MBNL3: variants seen among roughly 807,000 people sequenced by gnomAD.
The protein encoded by MBNL3 is muscleblind like splicing regulator 3, also known as muscleblind-like protein 3.
MBNL3 carries 6 observed loss-of-function variants against 24.5 expected under a neutral mutation model. The observed-to-expected ratio is 0.25, with a 90% CI of 0.13 to 0.48. The LOEUF (loss-of-function observed/expected upper bound fraction) is 0.48. MBNL3 is among the 20% of genes least tolerant of loss of function. The pLI, the probability that MBNL3 is intolerant of heterozygous loss-of-function variation, is 0.99. For synonymous variants in MBNL3, 100 were observed against 101.7 expected, an observed-to-expected ratio of 0.98 and a Z score of 0.10; for missense variants, 230 against 293.5, an observed-to-expected ratio of 0.78 and a Z score of 1.58.
rs1933880237 is a variant in MBNL3 at position 132,373,986 on chromosome X, A to G, written c.*5680T>C. The stretch of plus-strand genomic sequence containing the variant: ...AGGAGCATTTTTTTTCCCTTTGTTG[A>G]AGGGAATGAACGGCCCTATGCTGGC... On this transcript the variant is annotated 3_prime_UTR_variant, in exon 9 of 9. Transcript: ENST00000370853. 2 of 111,508 alleles carry G rather than the reference A, an allele frequency of 1.8e-5. 1 individual carries two copies. The highest frequency in any genetic ancestry group is 7.5e-4 in the South Asian group (2 of 2,656). The allele number at this position is 111,508 out of a possible 1,213,427, so 9.2% of individuals were successfully genotyped here.
chrX:132,440,031 G>A lies in MBNL3; in HGVS notation c.-420C>T, dbSNP rs1945316833. Among the ~76,000 whole-genome samples the A allele has an allele frequency of 9.0e-6, 1 of 111,365 alleles. No individual in the cohort carries two copies. On this transcript the variant is annotated 5_prime_UTR_variant, in exon 2 of 9. Transcript: ENST00000370853. ...ATGGTCTCAGATCAGGGGGAGAAAA[G>A]TTTTTCTCCCTATTTATTAGCTTTA...
At chrX:132,470,857 G>A (rs940705276) in intron 1 of MBNL3, among the ~76,000 whole-genome samples, 3 of 111,697 alleles carry the variant, frequency 2.7e-5, no homozygotes, top group Admixed American at 9.5e-5. Context: ...CACTGTGGAA[G>A]TGACAAGCAG....
chrX:132,384,803 C>A, intron 6 of MBNL3, 105 bp from the exon 7 acceptor site: 1 of 669,074 alleles, frequency 1.5e-6, no homozygotes, highest in Non-Finnish European at 2.1e-6. Context: ...TTTGCAATAT[C>A]AATTACTCAG....
At chrX:132,464,877 T>C (rs759859156) in intron 1 of MBNL3, among the ~76,000 whole-genome samples, 1 of 110,713 alleles carries the variant, frequency 9.0e-6, no homozygotes, top group South Asian at 3.8e-4. Context: ...TCATCTCTAC[T>C]AAAAATACAA....
chrX:132,413,834 C>G (rs1470899707), intron 2 of MBNL3, among the ~76,000 whole-genome samples: 5 of 111,701 alleles, frequency 4.5e-5, no homozygotes, highest in Admixed American at 1.9e-4. Flanking sequence ...ATTTACAGAA[C>G]AGATTTTTGA....
rs1442090595 is a variant in MBNL3, at chrX:132,406,346, T to C, written c.224A>G (p.His75Arg). Residue 75 changes from histidine to arginine, a missense_variant, in exon 3 of 9, where the codon CAC becomes CGC. By Grantham distance (29) the His-to-Arg change is conservative. Coordinates refer to ENST00000370853, the MANE Select transcript of MBNL3 (RefSeq NM_001386889.1). The stretch of plus-strand genomic sequence containing the variant: ...ATTAATCTCCAGCTGCGTTTTTAAG[T>C]GTGGAGGAGGGTGAAGGTACTTGCA... ...ENCKYLHPPP[H>R]LKTQLEINGR... 5.0e-6 allele frequency: 6 copies of C among 1,209,896 alleles called. No homozygotes were observed. The Admixed American group carries it at 1.1e-4, about 22-fold the overall frequency.
At chrX:132,447,235 G>A (rs753059567) in intron 1 of MBNL3, among the ~76,000 whole-genome samples, 71 of 111,732 alleles carry the variant, frequency 6.4e-4, no homozygotes, top group Non-Finnish European at 1.1e-3. Context: ...TTGGCTATGC[G>A]GGTTCTTTTT....
chrX:132,411,783 T>C (rs1397025841), intron 2 of MBNL3, among the ~76,000 whole-genome samples: 1 of 111,763 alleles, frequency 8.9e-6, no homozygotes, highest in Non-Finnish European at 1.9e-5. Context: ...TATTAGACTT[T>C]GAGCCTGTAT....
chrX:132,464,761 C>A (rs546139947), intron 1 of MBNL3, among the ~76,000 whole-genome samples: 48 of 111,844 alleles, frequency 4.3e-4, no homozygotes, highest in Middle Eastern at 4.6e-3. Context: ...AACCATCTGG[C>A]CGGTGCGGTG....
intron 1 of MBNL3, among the ~76,000 whole-genome samples, chrX:132,483,959 GC>G (rs1213680035): frequency 1.8e-5 from 2 of 112,219 alleles, no homozygotes; most frequent in East Asian, 5.5e-4. Context: ...ATGACAGGAG[GC>G]ATCAGAGTCA....
chrX:132,408,154 C>T (rs1235066165), intron 2 of MBNL3, among the ~76,000 whole-genome samples: 1 of 56,391 alleles, frequency 1.8e-5, no homozygotes, highest in Non-Finnish European at 3.1e-5. Context: ...TTACCAATTG[C>T]AGCTGCATTT....
intron 1 of MBNL3, among the ~76,000 whole-genome samples, chrX:132,448,684 T>C (rs756280619): frequency 7.2e-5 from 8 of 111,561 alleles, no homozygotes; most frequent in Non-Finnish European, 1.3e-4. Context: ...TCTGCTAGCT[T>C]TTGAGTTTGT....
intron 1 of MBNL3, among the ~76,000 whole-genome samples, chrX:132,452,020 T>A: frequency 9.0e-6 from 1 of 110,999 alleles, no homozygotes; most frequent in Middle Eastern, 4.6e-3. Context: ...CCAGTCCCAG[T>A]GAGATGAGCT....
At chrX:132,443,185 G>A (rs777206137) in intron 1 of MBNL3, among the ~76,000 whole-genome samples, 1 of 111,555 alleles carries the variant, frequency 9.0e-6, no homozygotes, top group African/African-American at 3.2e-5. Flanking sequence ...TTGATGTTTC[G>A]ATCTCTCAAA....
upstream of MBNL3, among the ~76,000 whole-genome samples, chrX:132,489,415 C>T (rs1948174063): frequency 8.9e-6 from 1 of 112,200 alleles, no homozygotes. Flanking sequence ...CGGAGCGCCC[C>T]AGCTCCCTCG....
chrX:132,444,334 G>A (rs1286096189), intron 1 of MBNL3, among the ~76,000 whole-genome samples: 1 of 111,148 alleles, frequency 9.0e-6, no homozygotes, highest in Admixed American at 9.6e-5. Context: ...GTTTTGAATC[G>A]ATTGGACCTG....
chrX:132,410,440 A>G (rs1014063400), intron 2 of MBNL3, among the ~76,000 whole-genome samples: 4 of 111,695 alleles, frequency 3.6e-5, no homozygotes, highest in African/African-American at 1.3e-4. Flanking sequence ...TAAGAGAAAC[A>G]GCTGTTTGCA....
At chrX:132,486,678 C>T (rs1286424451) in intron 1 of MBNL3, among the ~76,000 whole-genome samples, 6 of 112,075 alleles carry the variant, frequency 5.4e-5, no homozygotes, top group Non-Finnish European at 1.1e-4. Context: ...AGTTTATAAG[C>T]TATTCTTCTT....
intron 1 of MBNL3, among the ~76,000 whole-genome samples, chrX:132,464,521 A>G (rs1347541298): frequency 8.9e-6 from 1 of 112,287 alleles, no homozygotes; most frequent in Non-Finnish European, 1.9e-5. Flanking sequence ...CTTGGTTTTC[A>G]CATCTAGGTG....
Sources: allele counts gnomAD v4.1 joint callset (sites outside exome capture counted in the v4.1 genomes callset), GRCh38; gene constraint gnomAD v4.1.1; transcripts MANE v1.5; gene names NCBI Gene and HGNC (gene_info 2026-07-23, HGNC 2026-07-21).